The following TMEM116 variants were observed in gnomAD, a reference collection of about 807,000 sequenced individuals.
TMEM116 encodes transmembrane protein 116.
In TMEM116, 38 loss-of-function variants were observed where a neutral mutation model predicts 44.3. The observed-to-expected ratio is 0.86, with a 90% CI of 0.66 to 1.12. The LOEUF is 1.12. TMEM116 is among the 50% of genes most tolerant of loss of function. The pLI is 0.00. For synonymous variants in TMEM116, 132 were observed against 144.8 expected, an observed-to-expected ratio of 0.91 and a Z score of 0.64; for missense variants, 354 against 401.7, an observed-to-expected ratio of 0.88 and a Z score of 1.01.
At chr12:112,005,537 T>C (rs1417802446) in intron 1 of TMEM116, 6 of 468,706 alleles carry the variant, frequency 1.3e-5, no homozygotes, top group African/African-American at 1.0e-4. Context: ...TTTTAAAAAA[T>C]AGAGATGTGG....
At chr12:111,985,568 A>G (rs931326345) in intron 4 of TMEM116, among the ~76,000 whole-genome samples, 4 of 152,196 alleles carry the variant, frequency 2.6e-5, no homozygotes, top group Non-Finnish European at 5.9e-5. Flanking sequence ...ACCCATGTTC[A>G]TGGATTGGAA....
intron 3 of TMEM116, among the ~76,000 whole-genome samples, chr12:111,997,324 C>T (rs1001314780): frequency 7.2e-5 from 11 of 152,144 alleles, no homozygotes; most frequent in Non-Finnish European, 1.3e-4. Context: ...GAGGCTGAGG[C>T]GGGAAGACTG....
At chr12:111,967,470 C>G (rs979024895) in intron 4 of TMEM116, among the ~76,000 whole-genome samples, 11 of 151,940 alleles carry the variant, frequency 7.2e-5, no homozygotes, top group African/African-American at 2.7e-4. Context: ...TTACTTAAGT[C>G]TGGAAGCACC....
chr12:111,987,279 C>T (rs1405404611), intron 4 of TMEM116, among the ~76,000 whole-genome samples: 5 of 151,982 alleles, frequency 3.3e-5, no homozygotes, highest in Non-Finnish European at 5.9e-5. Context: ...CTGAGGCAGG[C>T]GGATTGCTTG....
chr12:111,960,029 T>G (rs1477612102), intron 4 of TMEM116, among the ~76,000 whole-genome samples: 1 of 152,170 alleles, frequency 6.6e-6, no homozygotes, highest in Non-Finnish European at 1.5e-5. Flanking sequence ...CTCTCTGCCC[T>G]AAATCAACAG....
chr12:111,936,206 T>C (rs2072152575), intron 8 of TMEM116: 1 of 152,390 alleles, frequency 6.6e-6, no homozygotes, highest in African/African-American at 2.4e-5. Context: ...TATATCATCC[T>C]GATGATATCA....
intron 3 of TMEM116, chr12:111,993,951 G>C: frequency 1.6e-6 from 1 of 634,496 alleles, no homozygotes; most frequent in Admixed American, 1.9e-5. Context: ...CTGGTACTCT[G>C]ACTGCACTAC....
chr12:111,960,537 A>G (rs1002209999), intron 4 of TMEM116, among the ~76,000 whole-genome samples: 21 of 150,318 alleles, frequency 1.4e-4, no homozygotes, highest in African/African-American at 4.9e-4. Flanking sequence ...CTCAAACCAC[A>G]CAACTACATG....
intron 4 of TMEM116, among the ~76,000 whole-genome samples, chr12:111,961,141 G>C (rs903094114): frequency 7.2e-5 from 11 of 152,172 alleles, no homozygotes; most frequent in Non-Finnish European, 1.5e-4. Context: ...GTGAATCCCT[G>C]AATAGACCAA....
chr12:111,951,370 C>A (rs1026655206), intron 4 of TMEM116, among the ~76,000 whole-genome samples: 5 of 152,198 alleles, frequency 3.3e-5, no homozygotes, highest in East Asian at 1.9e-4. Flanking sequence ...TGCACACATA[C>A]GTTTGCTGCA....
At chr12:111,940,474 T>TACACACACACACACACACACAC (rs199977734) in intron 5 of TMEM116, among the ~76,000 whole-genome samples, 4 of 106,984 alleles carry the variant, frequency 3.7e-5, no homozygotes, top group African/African-American at 1.7e-4. Flanking sequence ...CATATATATA[T>TACACACACACACACACACACAC]ATACATACAC....
At chr12:112,011,978 C>T (rs2077860930) in intron 1 of TMEM116, 1 of 152,246 alleles carries the variant, frequency 6.6e-6, no homozygotes, top group Non-Finnish European at 1.5e-5. Flanking sequence ...CTGGTGACTC[C>T]AAACCCTTTA....
chr12:111,985,980 C>CT (rs369170114), intron 4 of TMEM116, among the ~76,000 whole-genome samples: 88 of 147,346 alleles, frequency 6.0e-4, no homozygotes, highest in African/African-American at 5.7e-4. Flanking sequence ...ATCCCAACAA[C>CT]TTTTTTTTTT....
At position 111,991,859 on chromosome 12, in the gene TMEM116, C is replaced by A; in HGVS notation, c.109G>T (p.Asp37Tyr). Residue 37 changes from aspartate to tyrosine, a missense_variant, in exon 4 of 11, where the codon GAC becomes TAC. Asp to Tyr is a radical substitution (Grantham distance 160). Coordinates refer to ENST00000552374, the MANE Select transcript of TMEM116 (RefSeq NM_001193531.2). ...AGCCAGCAAAGTCCCAGGAGCAGGT[C>A]ACAGAAGCTCAGATAAAAAAGTGGT... ...IRPLFYLSFC[D>Y]LLLGLCWLTE... 1.3e-6 allele frequency: 2 copies of A among 1,535,886 alleles called. No homozygotes were observed. Among genetic ancestry groups the A allele is most frequent in the South Asian group, 2.4e-5 (2 of 83,996 alleles).
intron 8 of TMEM116, chr12:111,934,255 G>C (rs911393046): frequency 1.0e-5 from 5 of 478,320 alleles, no homozygotes; most frequent in Non-Finnish European, 1.1e-5. Context: ...AGCCAAACTT[G>C]TGTATCACGT....
chr12:112,000,858 C>T lies in TMEM116; in HGVS notation c.78+2942G>A, dbSNP rs2077214189. Reference sequence around the variant, plus strand: ...CTGAGATTTAATTCCTGGCTCCTCCCCGAATCCACCAATTCTCTGGTCTAT... The same window carrying T: ...CTGAGATTTAATTCCTGGCTCCTCCTCGAATCCACCAATTCTCTGGTCTAT... On this transcript the variant is annotated intron_variant, in intron 3 of 10. Coordinates refer to ENST00000552374, the MANE Select transcript of TMEM116 (RefSeq NM_001193531.2). 7 of 461,372 alleles carry T rather than the reference C, an allele frequency of 1.5e-5. No homozygotes were observed. The Admixed American group carries it at 1.7e-4, about 11-fold the overall frequency. The allele number at this position is 461,372 out of a possible 1,614,324, so 28.6% of individuals were successfully genotyped here.
At chr12:111,945,030 G>A (rs113373295) in intron 4 of TMEM116, among the ~76,000 whole-genome samples, 457 of 143,948 alleles carry the variant, frequency 3.2e-3, no homozygotes, top group Non-Finnish European at 5.9e-3. Flanking sequence ...AGACAAGATC[G>A]CGCCACTGCA....
At chr12:111,949,592 C>T (rs957405052) in intron 4 of TMEM116, among the ~76,000 whole-genome samples, 1 of 152,146 alleles carries the variant, frequency 6.6e-6, no homozygotes, top group Non-Finnish European at 1.5e-5. Flanking sequence ...TTTAGTCTTA[C>T]TCTATTATCT....
intron 4 of TMEM116, among the ~76,000 whole-genome samples, chr12:111,947,962 A>G (rs1216450129): frequency 1.3e-5 from 2 of 152,248 alleles, no homozygotes; most frequent in African/African-American, 4.8e-5. Context: ...TAAAACAAAT[A>G]CATTTTTTAA....
Sources: gnomAD v4.1 joint callset for allele counts (sites outside exome capture counted in the v4.1 genomes callset) on GRCh38, gnomAD v4.1.1 for gene constraint, MANE v1.5 for transcripts, NCBI Gene and HGNC (gene_info 2026-07-23, HGNC 2026-07-21) for gene names.